PACRG: variants seen among roughly 807,000 people sequenced by gnomAD.
PACRG encodes the protein parkin coregulated gene protein.
PACRG carries 29 observed loss-of-function variants against 29.7 expected under a neutral mutation model. That is an observed-to-expected ratio of 0.98 (90% confidence interval 0.73 to 1.33). The LOEUF is 1.33. PACRG is among the 40% of genes most tolerant of loss of function. The probability of loss-of-function intolerance (pLI) is 0.00; values close to 1 mark genes in which losing one functional copy is unlikely to be tolerated. For synonymous variants in PACRG, 116 were observed against 118.7 expected (o/e 0.98, Z 0.15); for missense variants, 279 against 316.2 (o/e 0.88, Z 0.89).
intron 2 of PACRG, among the ~76,000 whole-genome samples, chr6:163,010,202 A>T (rs1050990567): frequency 6.6e-6 from 1 of 152,246 alleles, no homozygotes. Flanking sequence ...TTGCTGTGCT[A>T]GATGATATGA....
chr6:163,193,665 A>G (rs928946342), intron 4 of PACRG, among the ~76,000 whole-genome samples: 5 of 151,980 alleles, frequency 3.3e-5, no homozygotes, highest in African/African-American at 1.2e-4. Context: ...AAATATTTTT[A>G]TTTTGTTATA....
chr6:162,935,754 A>G (rs569213206), intron 2 of PACRG, among the ~76,000 whole-genome samples: 8 of 152,090 alleles, frequency 5.3e-5, no homozygotes, highest in Admixed American at 4.6e-4. Context: ...CTTGTTTTTC[A>G]TGTTTCTTGT....
chr6:162,810,304 A>G (rs114456353), intron 1 of PACRG, among the ~76,000 whole-genome samples: 3,163 of 152,286 alleles, frequency 0.021, 103 homozygotes, highest in African/African-American at 0.072. Context: ...CCTTCCCCCA[A>G]CCTTTGCCAG....
intron 2 of PACRG, among the ~76,000 whole-genome samples, chr6:162,881,748 G>A (rs753741877): frequency 6.6e-6 from 1 of 150,478 alleles, no homozygotes; most frequent in African/African-American, 2.5e-5. Flanking sequence ...AGACAGTGGG[G>A]TGCTCTCCAC....
chr6:163,272,173 G>A (rs1042566771), intron 4 of PACRG, among the ~76,000 whole-genome samples: 1 of 151,836 alleles, frequency 6.6e-6, no homozygotes, highest in African/African-American at 2.4e-5. Flanking sequence ...CAAATAGCTG[G>A]GACTACAGGC....
intron 1 of PACRG, among the ~76,000 whole-genome samples, chr6:162,733,095 A>T (rs1305282674): frequency 6.6e-6 from 1 of 152,242 alleles, no homozygotes; most frequent in Non-Finnish European, 1.5e-5. Context: ...TTGATCACAG[A>T]CTATGTGCAA....
At chr6:162,832,642 C>T (rs1788880672) in intron 2 of PACRG, among the ~76,000 whole-genome samples, 1 of 152,106 alleles carries the variant, frequency 6.6e-6, no homozygotes, top group Non-Finnish European at 1.5e-5. Flanking sequence ...AACAATGTAG[C>T]TCACATTATT....
rs944256855 is a variant in PACRG, at chr6:163,076,069, C to T, written c.464-13190C>T. Among the ~76,000 whole-genome samples the T allele has an allele frequency of 4.6e-5, 7 of 152,192 alleles. No individual in the cohort carries two copies. In the East Asian group the frequency reaches 1.3e-3, roughly 29 times the overall value. On this transcript the variant is annotated intron_variant, in intron 3 of 4. Coordinates refer to ENST00000366888, the MANE Select transcript of PACRG (RefSeq NM_001080379.2). ...CCATCCAACCTTAACAGGGCCACAA[C>T]GTGCAATCCTACAAGGGCATTATGA...
intron 2 of PACRG, among the ~76,000 whole-genome samples, chr6:162,968,232 A>C (rs939402170): frequency 2.0e-5 from 3 of 152,232 alleles, no homozygotes; most frequent in Non-Finnish European, 4.4e-5. Flanking sequence ...ACTCCAGGTT[A>C]TTATGAAAGT....
chr6:163,063,739 A>G (rs2128267165), intron 3 of PACRG, among the ~76,000 whole-genome samples: 1 of 152,208 alleles, frequency 6.6e-6, no homozygotes, highest in East Asian at 1.9e-4. Context: ...AAACCAAAGG[A>G]CGGTGCTACC....
At chr6:162,922,090 T>C (rs1393649376) in intron 2 of PACRG, among the ~76,000 whole-genome samples, 3 of 152,032 alleles carry the variant, frequency 2.0e-5, no homozygotes, top group South Asian at 4.2e-4. Context: ...CCTCCCTTAC[T>C]ATGAGTTGGT....
chr6:163,040,233 T>G (rs1808563378), intron 2 of PACRG, among the ~76,000 whole-genome samples: 1 of 152,214 alleles, frequency 6.6e-6, no homozygotes, highest in African/African-American at 2.4e-5. Context: ...TTCCACAAGG[T>G]TTTGGGCCCG....
At chr6:163,096,503 G>A (rs1814603239) in intron 4 of PACRG, among the ~76,000 whole-genome samples, 1 of 150,082 alleles carries the variant, frequency 6.7e-6, no homozygotes, top group Admixed American at 6.6e-5. Context: ...GAGGCGCAAA[G>A]GCTCCGGCTG....
intron 2 of PACRG, among the ~76,000 whole-genome samples, chr6:162,911,069 G>A (rs1210619244): frequency 4.6e-5 from 7 of 152,192 alleles, no homozygotes; most frequent in Non-Finnish European, 1.0e-4. Context: ...TAGGATATTT[G>A]ATATATGTTC....
intron 4 of PACRG, among the ~76,000 whole-genome samples, chr6:163,121,043 G>C (rs1242424560): frequency 1.3e-5 from 2 of 152,142 alleles, no homozygotes; most frequent in African/African-American, 4.8e-5. Flanking sequence ...ATTTTCTATG[G>C]TCAAAGTCAT....
At chr6:162,990,279 G>C (rs978285619) in intron 2 of PACRG, among the ~76,000 whole-genome samples, 5 of 151,688 alleles carry the variant, frequency 3.3e-5, no homozygotes, top group Admixed American at 2.6e-4. Context: ...GGGTCAAATG[G>C]TATTTCTAGT....
chr6:163,041,636 G>A (rs1207599142), intron 2 of PACRG, among the ~76,000 whole-genome samples: 1 of 152,164 alleles, frequency 6.6e-6, no homozygotes, highest in Non-Finnish European at 1.5e-5. Flanking sequence ...CCAGTCTCAA[G>A]TAGTATTTTA....
chr6:162,894,888 T>C (rs1262019964), intron 2 of PACRG, among the ~76,000 whole-genome samples: 2 of 152,184 alleles, frequency 1.3e-5, no homozygotes, highest in Non-Finnish European at 2.9e-5. Context: ...ATATTATTGT[T>C]GCTAAAGGCA....
At chr6:163,039,962 C>G (rs1223081562) in intron 2 of PACRG, among the ~76,000 whole-genome samples, 1 of 152,154 alleles carries the variant, frequency 6.6e-6, no homozygotes, top group Admixed American at 6.5e-5. Context: ...TAATGAGATG[C>G]CAAATGTTAA....
Sources: allele counts gnomAD v4.1 joint callset (sites outside exome capture counted in the v4.1 genomes callset), GRCh38; gene constraint gnomAD v4.1.1; transcripts MANE v1.5; gene names NCBI Gene and HGNC (gene_info 2026-07-23, HGNC 2026-07-21).